The following CSGALNACT1 variants were observed in gnomAD, a reference collection of about 807,000 sequenced individuals.
The protein encoded by CSGALNACT1 is beta4GalNAcT-1.
In CSGALNACT1, 52 loss-of-function variants were observed where a neutral mutation model predicts 51.0. The ratio of observed to expected loss-of-function variants is 1.02; its 90% CI spans 0.82 to 1.29. The LOEUF (loss-of-function observed/expected upper bound fraction) is 1.29. Ranked by LOEUF, CSGALNACT1 falls within the 50% of genes most tolerant of loss-of-function variation. CSGALNACT1 has a pLI of 0.00. For missense variants in CSGALNACT1, 935 were observed against 679.2 expected (o/e 1.38, Z -4.19); for synonymous variants, 341 against 254.4 (o/e 1.34, Z -3.24).
chr8:19,428,825 ATGTGTGTGTGTGTGTGTGTGTGTGTG>A (rs59241616), intron 6 of CSGALNACT1, among the ~76,000 whole-genome samples: 9 of 143,464 alleles, frequency 6.3e-5, no homozygotes, highest in South Asian at 2.4e-4. Flanking sequence ...AAGACATGAT[ATGTGTGTGTGTGTGTGTGTGTGTGTG>A]TGTGTGTGTG....
intron 1 of CSGALNACT1, among the ~76,000 whole-genome samples, chr8:19,667,998 A>G (rs1333066577): frequency 6.6e-6 from 1 of 152,236 alleles, no homozygotes; most frequent in African/African-American, 2.4e-5. Flanking sequence ...AAACCTAACC[A>G]TTCAAATATT....
intron 1 of CSGALNACT1, among the ~76,000 whole-genome samples, chr8:19,633,819 T>G (rs1430274463): frequency 6.6e-6 from 1 of 152,166 alleles, no homozygotes; most frequent in Non-Finnish European, 1.5e-5. Flanking sequence ...GGTTCTTGAG[T>G]CAAACAGGGG....
In CSGALNACT1 at chr8:19,406,113, G is replaced by C. The variant is rs564504287; in HGVS notation, c.1310-44C>G. 1.1e-5 allele frequency: 17 copies of C among 1,611,672 alleles called. No individual in the cohort carries two copies. In the East Asian group the frequency reaches 2.5e-4, roughly 23 times the overall value. On this transcript the variant is annotated intron_variant, in intron 9 of 9. Transcript: ENST00000454498. ...CTGTTGAATCACACTGCACTGATCT[G>C]TTTTGCTTCCCTGAGTTGCAACAAG... is the stretch of plus-strand genomic sequence containing the variant.
At position 19,651,777 on chromosome 8, in the gene CSGALNACT1, C is replaced by T. The variant is rs373491439; in HGVS notation, c.-544+30696G>A. Among the ~76,000 whole-genome samples, 9 of 152,170 alleles carry T rather than the reference C, an allele frequency of 5.9e-5. No individual in the cohort carries two copies. The South Asian group carries it at 1.7e-3, about 28-fold the overall frequency. On this transcript the variant is annotated intron_variant, in intron 1 of 9. Coordinates refer to the CSGALNACT1 transcript ENST00000332246. The stretch of plus-strand genomic sequence containing the variant: ...TGATTTTTATTTCTTTGGGTATATA[C>T]TCAGTAATGAGATTACTGGGTTAAA...
intron 3 of CSGALNACT1, among the ~76,000 whole-genome samples, chr8:19,548,241 T>G (rs942655770): frequency 6.6e-6 from 1 of 152,192 alleles, no homozygotes; most frequent in African/African-American, 2.4e-5. Context: ...TTCTGGCACT[T>G]TTTTCTAATG....
chr8:19,530,232 C>G (rs1228556094), intron 3 of CSGALNACT1, among the ~76,000 whole-genome samples: 3 of 59,430 alleles, frequency 5.0e-5, no homozygotes, highest in African/African-American at 2.6e-4. Flanking sequence ...AAAAACAAAA[C>G]AAAACAAAAC....
chr8:19,734,329 C>G (rs546881549), intron 1 of CSGALNACT1, among the ~76,000 whole-genome samples: 1 of 152,318 alleles, frequency 6.6e-6, no homozygotes, highest in East Asian at 1.9e-4. Flanking sequence ...AAAGCTGAGT[C>G]TCAGCCAATC....
chr8:19,443,651 C>T (rs1342111313), intron 5 of CSGALNACT1, among the ~76,000 whole-genome samples: 1 of 152,204 alleles, frequency 6.6e-6, no homozygotes, highest in Non-Finnish European at 1.5e-5. Flanking sequence ...AGAAACTGCA[C>T]TCGTGATTCA....
At chr8:19,580,472 T>C (rs1272167477) in intron 3 of CSGALNACT1, among the ~76,000 whole-genome samples, 1 of 152,170 alleles carries the variant, frequency 6.6e-6, no homozygotes, top group Non-Finnish European at 1.5e-5. Context: ...ACAAACCAAA[T>C]GAAAACAGAC....
At chr8:19,733,504 G>A (rs1048755480) in intron 1 of CSGALNACT1, among the ~76,000 whole-genome samples, 3 of 151,994 alleles carry the variant, frequency 2.0e-5, no homozygotes, top group African/African-American at 7.2e-5. Context: ...TGAGTTAGGA[G>A]CCAGCAGCTG....
chr8:19,703,275 T>C (rs2061979973), intron 1 of CSGALNACT1, among the ~76,000 whole-genome samples: 2 of 152,136 alleles, frequency 1.3e-5, no homozygotes, highest in African/African-American at 2.4e-5. Flanking sequence ...AGTTGTTACA[T>C]AATAAGAACA....
At chr8:19,449,297 A>C (rs1241583793) in intron 5 of CSGALNACT1, among the ~76,000 whole-genome samples, 3 of 152,204 alleles carry the variant, frequency 2.0e-5, no homozygotes, top group Non-Finnish European at 2.9e-5. Flanking sequence ...AGCATCTCTC[A>C]AACCCATTAG....
rs528199713 is a variant in CSGALNACT1 at position 19,726,510 on chromosome 8, T to G, written c.-297+31340A>C. 3.3e-5 allele frequency among the ~76,000 whole-genome samples: 5 copies of G among 152,328 alleles called. No homozygotes were observed. In the East Asian group the frequency reaches 9.6e-4, roughly 29 times the overall value. ...GAGTACAACATGATGTTTTGATACATGAATATATTGTAAAATGGTTAAGTC... is the reference window on the plus strand; with the variant it reads ...GAGTACAACATGATGTTTTGATACAGGAATATATTGTAAAATGGTTAAGTC... On this transcript the variant is annotated intron_variant, in intron 1 of 1. Coordinates refer to the CSGALNACT1 transcript ENST00000517494.
chr8:19,714,536 G>A (rs1047465708), intron 1 of CSGALNACT1, among the ~76,000 whole-genome samples: 8 of 151,910 alleles, frequency 5.3e-5, no homozygotes, highest in African/African-American at 9.7e-5. Flanking sequence ...GCTCTGAGGC[G>A]TTTGGTTTTA....
chr8:19,443,487 G>A (rs1405072134), intron 5 of CSGALNACT1, among the ~76,000 whole-genome samples: 1 of 152,148 alleles, frequency 6.6e-6, no homozygotes, highest in African/African-American at 2.4e-5. Context: ...AGTTCCACAT[G>A]GATGGGGAGG....
rs749080967 is a variant in CSGALNACT1, at chr8:19,656,220, TG to T, written c.-544+26252del. Among the ~76,000 whole-genome samples the T allele has an allele frequency of 2.0e-5, 3 of 152,316 alleles. No individual in the cohort carries two copies. The East Asian group carries it at 5.8e-4, about 29-fold the overall frequency. On this transcript the variant is annotated intron_variant, in intron 1 of 9. Transcript: ENST00000332246. Reference sequence around the variant, plus strand: ...CACAATGTTACATCAACAAGCAGCATGGCTGTCTCTCAGAAACTGCAAGAAA... The same window carrying T: ...CACAATGTTACATCAACAAGCAGCATGCTGTCTCTCAGAAACTGCAAGAAA...
intron 4 of CSGALNACT1, among the ~76,000 whole-genome samples, chr8:19,491,571 G>C (rs1388720849): frequency 6.6e-6 from 1 of 152,072 alleles, no homozygotes; most frequent in African/African-American, 2.4e-5. Context: ...AACTTTATTA[G>C]GTAAGAAAAA....
intron 1 of CSGALNACT1, among the ~76,000 whole-genome samples, chr8:19,665,816 G>A (rs752229757): frequency 5.3e-5 from 8 of 152,118 alleles, no homozygotes; most frequent in Admixed American, 2.0e-4. Context: ...CTAAAAATGT[G>A]TTCTTCGCTA....
At chr8:19,459,883 C>T (rs1320331712) in intron 4 of CSGALNACT1, among the ~76,000 whole-genome samples, 1 of 152,176 alleles carries the variant, frequency 6.6e-6, no homozygotes, top group Non-Finnish European at 1.5e-5. Context: ...CAAACTGTGT[C>T]TCATCCCATG....
Sources: gnomAD v4.1 joint callset for allele counts (sites outside exome capture counted in the v4.1 genomes callset) on GRCh38, gnomAD v4.1.1 for gene constraint, MANE v1.5 for transcripts, NCBI Gene and HGNC (gene_info 2026-07-23, HGNC 2026-07-21) for gene names.